SPATA6: variants seen among roughly 807,000 people sequenced by gnomAD.
The protein encoded by SPATA6 is spermatogenesis associated 6.
A neutral mutation model predicts 65.3 loss-of-function variants in SPATA6; 56 were observed. The observed-to-expected ratio is 0.86, with a 90% CI of 0.69 to 1.07. The LOEUF (loss-of-function observed/expected upper bound fraction) is 1.07, where lower values mean the gene tolerates loss of function less well. SPATA6 is among the 50% of genes least tolerant of loss of function. The pLI, the probability that SPATA6 is intolerant of heterozygous loss-of-function variation, is 0.00. For missense variants in SPATA6, 590 were observed against 594.8 expected, an observed-to-expected ratio of 0.99 and a Z score of 0.08; for synonymous variants, 199 against 213.2, an observed-to-expected ratio of 0.93 and a Z score of 0.58.
At chr1:48,440,821 G>A (rs1655392399) in intron 3 of SPATA6, among the ~76,000 whole-genome samples, 1 of 152,284 alleles carries the variant, frequency 6.6e-6, no homozygotes, top group Non-Finnish European at 1.5e-5. Flanking sequence ...CGAGCCCTGG[G>A]CTCTGAACAA....
chr1:48,365,339 G>C (rs1026233056), intron 9 of SPATA6, among the ~76,000 whole-genome samples: 3 of 152,160 alleles, frequency 2.0e-5, no homozygotes, highest in African/African-American at 7.2e-5. Flanking sequence ...TATGAAGAAA[G>C]TCATTAGCAG....
At chr1:48,321,384 A>G (rs1016534344) in intron 11 of SPATA6, among the ~76,000 whole-genome samples, 2 of 152,214 alleles carry the variant, frequency 1.3e-5, no homozygotes, top group Admixed American at 1.3e-4. Context: ...AGCTAAACTG[A>G]TATCAGATGA....
At chr1:48,417,930 T>C (rs1276641074) in intron 3 of SPATA6, among the ~76,000 whole-genome samples, 2 of 152,198 alleles carry the variant, frequency 1.3e-5, no homozygotes, top group African/African-American at 4.8e-5. Context: ...TCCATGTGAA[T>C]GACTCATCCA....
In SPATA6 at chr1:48,433,839, C is replaced by T. The variant is rs866428862; in HGVS notation, c.238+17713G>A. On this transcript the variant is annotated intron_variant, in intron 3 of 12. Coordinates refer to ENST00000371847, the MANE Select transcript of SPATA6 (RefSeq NM_019073.4). ...TTCACCTGAAATCAGTTTAAAGGGG[C>T]TTCAAAAAAGACTTTACCTGATATT... Among the ~76,000 whole-genome samples the T allele has an allele frequency of 8.5e-5, 13 of 152,120 alleles. No homozygotes were observed. The South Asian group carries it at 2.5e-3, about 29-fold the overall frequency.
At chr1:48,346,427 A>G (rs1409020267) in intron 11 of SPATA6, among the ~76,000 whole-genome samples, 1 of 152,006 alleles carries the variant, frequency 6.6e-6, no homozygotes, top group Non-Finnish European at 1.5e-5. Flanking sequence ...AGACAAGATG[A>G]CCTCTCTCAT....
intron 3 of SPATA6, among the ~76,000 whole-genome samples, chr1:48,421,243 T>C (rs1175197705): frequency 6.6e-6 from 1 of 152,162 alleles, no homozygotes; most frequent in Admixed American, 6.5e-5. Flanking sequence ...GTGCTAGATA[T>C]GCCAATTATC....
chr1:48,346,670 C>A (rs1005021056), intron 11 of SPATA6, among the ~76,000 whole-genome samples: 1 of 151,964 alleles, frequency 6.6e-6, no homozygotes, highest in Non-Finnish European at 1.5e-5. Flanking sequence ...TATACACCAA[C>A]AATAGTCAAG....
At chr1:48,304,269 G>T (rs562561391) in intron 12 of SPATA6, among the ~76,000 whole-genome samples, 1 of 152,256 alleles carries the variant, frequency 6.6e-6, no homozygotes, top group Non-Finnish European at 1.5e-5. Context: ...AAGCAGCAAA[G>T]ATTATAAAGT....
At chr1:48,283,690 A>G in the SPATA6 span, among the ~76,000 whole-genome samples, 1 of 135,912 alleles carries the variant, frequency 7.4e-6, no homozygotes, top group Admixed American at 7.5e-5. Flanking sequence ...AAAAAAAAAA[A>G]AAAAAAAAAA....
chr1:48,370,476 C>G (rs1363066734), intron 9 of SPATA6, among the ~76,000 whole-genome samples: 1 of 152,192 alleles, frequency 6.6e-6, no homozygotes, highest in Non-Finnish European at 1.5e-5. Context: ...CAATTCCTAT[C>G]TTATCTGATT....
chr1:48,442,266 A>C (rs1413224160), intron 3 of SPATA6, among the ~76,000 whole-genome samples: 1 of 152,210 alleles, frequency 6.6e-6, no homozygotes, highest in East Asian at 1.9e-4. Flanking sequence ...AAAGGGAAAA[A>C]GAATAAAAGT....
At chr1:48,308,438 T>C (rs187820208) in intron 11 of SPATA6, among the ~76,000 whole-genome samples, 88 of 152,254 alleles carry the variant, frequency 5.8e-4, no homozygotes, top group South Asian at 2.1e-3. Flanking sequence ...TTTATAATTA[T>C]TGTTTTGTGA....
chr1:48,384,262 T>C (rs1371150115), intron 9 of SPATA6, among the ~76,000 whole-genome samples: 1 of 131,094 alleles, frequency 7.6e-6, no homozygotes, highest in Non-Finnish European at 1.6e-5. Context: ...GGCAGGGAGG[T>C]TGCAGTGAGC....
chr1:48,428,775 ATGTGTGTGTGTGTG>A (rs59651745), intron 3 of SPATA6, among the ~76,000 whole-genome samples: 1 of 133,496 alleles, frequency 7.5e-6, no homozygotes, highest in African/African-American at 2.8e-5. Flanking sequence ...AGGTGTATAT[ATGTGTGTGTGTGTG>A]TGTGTGTGTG....
Position 48,437,097 on chromosome 1 carries a change from G to A in SPATA6, c.238+14455C>T, listed in dbSNP as rs1655008369. On this transcript the variant is annotated intron_variant, in intron 3 of 12. Transcript: ENST00000371847. ...TCAAACAGATGAAAGAAGAAAGCCA[G>A]GATTCAATACTTTCACGGTTGCCTC... is the stretch of plus-strand genomic sequence containing the variant. 3.8e-6 allele frequency: 6 copies of A among 1,598,156 alleles called. No homozygotes were observed. The African/African-American group carries it at 5.4e-5, about 14-fold the overall frequency.
At chr1:48,261,768 A>G in the SPATA6 span, among the ~76,000 whole-genome samples, 2 of 152,232 alleles carry the variant, frequency 1.3e-5, no homozygotes, top group East Asian at 1.9e-4. Flanking sequence ...TGCAATTTCT[A>G]TAATATATGT....
At chr1:48,352,063 T>C (rs1646526030) in intron 11 of SPATA6, among the ~76,000 whole-genome samples, 1 of 152,054 alleles carries the variant, frequency 6.6e-6, no homozygotes, top group African/African-American at 2.4e-5. Flanking sequence ...GAAAGAGGTA[T>C]AATTGGACTT....
At chr1:48,335,041 C>T (rs1243119637) in intron 11 of SPATA6, among the ~76,000 whole-genome samples, 1 of 151,954 alleles carries the variant, frequency 6.6e-6, no homozygotes, top group African/African-American at 2.4e-5. Context: ...ACAACTGCCA[C>T]AAAAAGTATA....
downstream of SPATA6, among the ~76,000 whole-genome samples, chr1:48,292,533 G>A (rs1644775034): frequency 6.6e-6 from 1 of 152,206 alleles, no homozygotes; most frequent in Admixed American, 6.5e-5. Context: ...GAGGGTTGGT[G>A]GCAAGTATGC....
Sources: gnomAD v4.1 joint callset for allele counts (sites outside exome capture counted in the v4.1 genomes callset) on GRCh38, gnomAD v4.1.1 for gene constraint, MANE v1.5 for transcripts, NCBI Gene and HGNC (gene_info 2026-07-23, HGNC 2026-07-21) for gene names.